HSF2BP: variants seen among roughly 807,000 people sequenced by gnomAD.
HSF2BP encodes heat shock transcription factor 2 binding protein.
A neutral mutation model predicts 35.0 loss-of-function variants in HSF2BP; 35 were observed. The ratio of observed to expected loss-of-function variants is 1.00; its 90% confidence interval spans 0.76 to 1.32. HSF2BP has a LOEUF of 1.32. Ranked by LOEUF, HSF2BP falls within the 40% of genes most tolerant of loss-of-function variation. HSF2BP has a pLI of 0.00. For missense variants in HSF2BP, 326 were observed against 321.7 expected (o/e 1.01, Z -0.10); for synonymous variants, 114 against 117.4 (o/e 0.97, Z 0.18).
At chr21:43,588,794 T>G (rs1407466434) in intron 8 of HSF2BP, among the ~76,000 whole-genome samples, 1 of 152,044 alleles carries the variant, frequency 6.6e-6, no homozygotes, top group Non-Finnish European at 1.5e-5. Context: ...ACCTTACAGG[T>G]CAGGTCTAGG....
intron 8 of HSF2BP, among the ~76,000 whole-genome samples, chr21:43,572,854 T>C (rs2081593712): frequency 6.6e-6 from 1 of 152,226 alleles, no homozygotes; most frequent in Non-Finnish European, 1.5e-5. Context: ...ATCTTTGACT[T>C]TTCTTCTCTA....
At chr21:43,627,165 C>T (rs2082400606) in intron 6 of HSF2BP, among the ~76,000 whole-genome samples, 1 of 152,184 alleles carries the variant, frequency 6.6e-6, no homozygotes, top group Non-Finnish European at 1.5e-5. Context: ...AGCCACCATG[C>T]CTTGCTTCTA....
intron 7 of HSF2BP, among the ~76,000 whole-genome samples, chr21:43,609,411 C>T (rs1349822881): frequency 6.6e-6 from 1 of 152,106 alleles, no homozygotes; most frequent in African/African-American, 2.4e-5. Context: ...CAAACCTGCA[C>T]ATGTACCCCC....
chr21:43,581,609 CA>C (rs1463315495), intron 8 of HSF2BP, among the ~76,000 whole-genome samples: 1 of 152,148 alleles, frequency 6.6e-6, no homozygotes, highest in Non-Finnish European at 1.5e-5. Flanking sequence ...AACACGGCCA[CA>C]GGCAGCTCTA....
Position 43,592,282 on chromosome 21 carries a change from A to G in HSF2BP, c.739T>C (p.Leu247=). The G allele has an allele frequency of 6.2e-7, 1 of 1,613,978 alleles. No individual in the cohort carries two copies. Among genetic ancestry groups the G allele is most frequent in the Non-Finnish European group, 8.5e-7 (1 of 1,179,882 alleles). The change falls in exon 8 of 9, where the codon TTG becomes CTG. Residue 247 remains leucine, a synonymous_variant. Transcript: ENST00000291560. The part of the protein sequence containing the change: ...LYNVSINLKG[L]KYISESPGFI... ...CCTGGACTCTCGCTGATGTATTTCA[A>G]GCCTTTCAAATTGATGCTTACATTG...
chr21:43,643,719 G>A (rs1184337733), intron 4 of HSF2BP, among the ~76,000 whole-genome samples: 1 of 152,188 alleles, frequency 6.6e-6, no homozygotes, highest in East Asian at 1.9e-4. Context: ...AGCCCTTTGG[G>A]AGGCTGAGGC....
chr21:43,643,386 G>C (rs1359046665), intron 4 of HSF2BP, among the ~76,000 whole-genome samples: 1 of 152,130 alleles, frequency 6.6e-6, no homozygotes, highest in Non-Finnish European at 1.5e-5. Context: ...TGGGTCATGG[G>C]AGTGGATTCC....
chr21:43,596,576 C>A (rs892773761), intron 7 of HSF2BP, among the ~76,000 whole-genome samples: 26 of 152,156 alleles, frequency 1.7e-4, no homozygotes, highest in Admixed American at 7.9e-4. Flanking sequence ...AAGAGAAGTG[C>A]CCCCTTGAAA....
At chr21:43,646,832 C>T (rs1164264046) in intron 3 of HSF2BP, among the ~76,000 whole-genome samples, 3 of 152,278 alleles carry the variant, frequency 2.0e-5, no homozygotes, top group Non-Finnish European at 4.4e-5. Flanking sequence ...TGTATGAGGC[C>T]GCCACCTTGT....
intron 7 of HSF2BP, among the ~76,000 whole-genome samples, chr21:43,609,524 C>T (rs138951757): frequency 2.7e-4 from 41 of 152,160 alleles, no homozygotes; most frequent in African/African-American, 8.2e-4. Context: ...AAATGAGTGA[C>T]CTTCGATCAT....
chr21:43,506,081 G>A, the HSF2BP span, among the ~76,000 whole-genome samples: 56 of 132,316 alleles, frequency 4.2e-4, 10 homozygotes, highest in South Asian at 0.011. Context: ...AAGGCAGCCC[G>A]GGTCTGCCCC....
chr21:43,614,579 G>A (rs2082248433), intron 6 of HSF2BP, among the ~76,000 whole-genome samples: 1 of 152,088 alleles, frequency 6.6e-6, no homozygotes, highest in Non-Finnish European at 1.5e-5. Context: ...ATAAGGTGGG[G>A]GCTGATTATC....
At chr21:43,468,006 C>T in the HSF2BP span, among the ~76,000 whole-genome samples, 1 of 126,092 alleles carries the variant, frequency 7.9e-6, no homozygotes, top group African/African-American at 3.1e-5. Context: ...ACACCACACA[C>T]ACCACAAACC....
At chr21:43,651,281 GT>G (rs2082782394) in intron 3 of HSF2BP, among the ~76,000 whole-genome samples, 1 of 151,970 alleles carries the variant, frequency 6.6e-6, no homozygotes, top group Non-Finnish European at 1.5e-5. Context: ...AAGCATTACT[GT>G]CCACATTTTG....
chr21:43,583,981 G>A (rs1212691318), intron 8 of HSF2BP, among the ~76,000 whole-genome samples: 1 of 133,896 alleles, frequency 7.5e-6, no homozygotes, highest in Admixed American at 7.2e-5. Context: ...GGAGATGAAG[G>A]GCCTGCTGAG....
intron 8 of HSF2BP, among the ~76,000 whole-genome samples, chr21:43,574,965 AG>A (rs2081624009): frequency 6.6e-6 from 1 of 152,148 alleles, no homozygotes; most frequent in Non-Finnish European, 1.5e-5. Flanking sequence ...TTCCACTCCC[AG>A]GCCTGACAGA....
intron 7 of HSF2BP, among the ~76,000 whole-genome samples, chr21:43,608,793 T>A (rs943184053): frequency 1.3e-4 from 19 of 151,044 alleles, no homozygotes; most frequent in African/African-American, 4.1e-4. Flanking sequence ...GAGACCCCTA[T>A]CGCTACCAAA....
At chr21:43,608,788 C>T (rs910425207) in intron 7 of HSF2BP, among the ~76,000 whole-genome samples, 1 of 151,718 alleles carries the variant, frequency 6.6e-6, no homozygotes, top group Admixed American at 6.6e-5. Flanking sequence ...AAAGTGAGAC[C>T]CCTATCGCTA....
At chr21:43,637,229 G>A (rs1195023981) in intron 4 of HSF2BP, among the ~76,000 whole-genome samples, 1 of 152,088 alleles carries the variant, frequency 6.6e-6, no homozygotes. Flanking sequence ...ATATTGTTTT[G>A]CAATAAAAAA....
Sources: allele counts gnomAD v4.1 joint callset (sites outside exome capture counted in the v4.1 genomes callset), GRCh38; gene constraint gnomAD v4.1.1; transcripts MANE v1.5; gene names NCBI Gene and HGNC (gene_info 2026-07-23, HGNC 2026-07-21).